Variants in RBFOX1 observed in about 807,000 individuals in gnomAD.
RBFOX1 encodes RNA binding fox-1 homolog 1.
A neutral mutation model predicts 57.7 loss-of-function variants in RBFOX1; 8 were observed. The observed-to-expected ratio is 0.14, with a 90% CI of 0.08 to 0.25. The LOEUF (loss-of-function observed/expected upper bound fraction) is 0.25. RBFOX1 is among the 10% of genes least tolerant of loss of function. The pLI, the probability that RBFOX1 is intolerant of heterozygous loss-of-function variation, is 1.00. For synonymous variants in RBFOX1, 326 were observed against 222.4 expected (o/e 1.47, Z -4.15); for missense variants, 611 against 548.5 (o/e 1.11, Z -1.14).
chr16:7,705,135 G>C (rs1242149882), intron 14 of RBFOX1, among the ~76,000 whole-genome samples: 3 of 151,768 alleles, frequency 2.0e-5, no homozygotes, highest in Non-Finnish European at 4.4e-5. Context: ...AAACATAAAA[G>C]ATGAAAGTCA....
At chr16:7,141,624 A>G (rs1208568616) in intron 4 of RBFOX1, among the ~76,000 whole-genome samples, 2 of 152,278 alleles carry the variant, frequency 1.3e-5, no homozygotes, top group East Asian at 3.9e-4. Flanking sequence ...TAACATATTA[A>G]TGCCATTTGT....
intron 1 of RBFOX1, among the ~76,000 whole-genome samples, chr16:6,024,122 G>A (rs1211138735): frequency 6.6e-6 from 1 of 152,118 alleles, no homozygotes; most frequent in Non-Finnish European, 1.5e-5. Flanking sequence ...GTCATTGTTC[G>A]CTAGTCAAAG....
At chr16:7,592,467 G>T (rs1233555956) in intron 7 of RBFOX1, among the ~76,000 whole-genome samples, 1 of 152,164 alleles carries the variant, frequency 6.6e-6, no homozygotes, top group African/African-American at 2.4e-5. Flanking sequence ...TGAGTGTTCA[G>T]TCTCACCTGG....
chr16:5,905,519 T>G (rs2058436149), intron 4 of RBFOX1, among the ~76,000 whole-genome samples: 1 of 151,926 alleles, frequency 6.6e-6, no homozygotes, highest in African/African-American at 2.4e-5. Context: ...TTTGACCAGC[T>G]TGGAAAACAT....
At chr16:7,659,870 C>G (rs1287661134) in intron 12 of RBFOX1, among the ~76,000 whole-genome samples, 2 of 152,096 alleles carry the variant, frequency 1.3e-5, no homozygotes, top group Non-Finnish European at 2.9e-5. Flanking sequence ...GACATTTTCA[C>G]AGATGCCTTT....
At chr16:5,806,500 G>C (rs1483381639) in intron 3 of RBFOX1, among the ~76,000 whole-genome samples, 3 of 152,168 alleles carry the variant, frequency 2.0e-5, no homozygotes, top group Admixed American at 1.3e-4. Context: ...GCTTGCCAAA[G>C]GCCCTTACCT....
At chr16:7,017,351 T>C (rs1445847378) in intron 3 of RBFOX1, among the ~76,000 whole-genome samples, 1 of 152,162 alleles carries the variant, frequency 6.6e-6, no homozygotes. Context: ...GGGTGCATAT[T>C]TAAATGCAGT....
chr16:6,497,608 C>T (rs1432319288), intron 2 of RBFOX1, among the ~76,000 whole-genome samples: 3 of 151,658 alleles, frequency 2.0e-5, no homozygotes, highest in African/African-American at 4.8e-5. Flanking sequence ...CCAGGCTGGA[C>T]TGCAGTGGCG....
intron 3 of RBFOX1, among the ~76,000 whole-genome samples, chr16:6,678,095 C>G (rs116840411): frequency 6.6e-6 from 1 of 152,166 alleles, no homozygotes; most frequent in Non-Finnish European, 1.5e-5. Context: ...GTATTCTCAT[C>G]ATCTACTTAA....
chr16:6,223,047 T>C (rs1433331531), intron 1 of RBFOX1, among the ~76,000 whole-genome samples: 1 of 150,042 alleles, frequency 6.7e-6, no homozygotes, highest in Non-Finnish European at 1.5e-5. Context: ...TTTTTATGGC[T>C]GCATAGTATT....
intron 3 of RBFOX1, among the ~76,000 whole-genome samples, chr16:5,667,707 A>C (rs898070849): frequency 2.0e-5 from 3 of 152,192 alleles, no homozygotes; most frequent in African/African-American, 4.8e-5. Flanking sequence ...GTGTTTCTGC[A>C]GGTGAAACTA....
chr16:6,970,171 C>T (rs2085211441), intron 3 of RBFOX1, among the ~76,000 whole-genome samples: 1 of 151,470 alleles, frequency 6.6e-6, no homozygotes, highest in South Asian at 2.1e-4. Flanking sequence ...GAACAAGACT[C>T]TGGGGGGAAA....
chr16:6,290,041 G>T (rs2077302831), intron 1 of RBFOX1, among the ~76,000 whole-genome samples: 1 of 152,172 alleles, frequency 6.6e-6, no homozygotes, highest in Admixed American at 6.5e-5. Context: ...AGCAAAATGA[G>T]GGGAAGACAT....
chr16:6,351,153 T>C (rs2086283056), intron 2 of RBFOX1, among the ~76,000 whole-genome samples: 1 of 152,024 alleles, frequency 6.6e-6, no homozygotes, highest in African/African-American at 2.4e-5. Flanking sequence ...GGGAGGCAGG[T>C]TAGCTTACAG....
intron 2 of RBFOX1, among the ~76,000 whole-genome samples, chr16:6,563,388 C>G (rs1241197329): frequency 3.9e-5 from 6 of 152,258 alleles, no homozygotes; most frequent in South Asian, 4.2e-4. Flanking sequence ...TATTATTACC[C>G]TCATTTATCA....
intron 4 of RBFOX1, among the ~76,000 whole-genome samples, chr16:7,150,147 T>G (rs969588286): frequency 6.6e-6 from 1 of 152,140 alleles, no homozygotes; most frequent in African/African-American, 2.4e-5. Flanking sequence ...CTGTTGATGT[T>G]TCCTATTAGC....
intron 3 of RBFOX1, among the ~76,000 whole-genome samples, chr16:6,783,654 C>T (rs570033892): frequency 2.0e-5 from 3 of 152,064 alleles, no homozygotes; most frequent in Middle Eastern, 3.4e-3. Context: ...TTTTAGTCTT[C>T]GTACTAAAGA....
At position 5,988,295 on chromosome 16, in the gene RBFOX1, G is replaced by A. The variant is rs151085990; in HGVS notation, c.351+120960G>A. On this transcript the variant is annotated intron_variant, in intron 4 of 19. Transcript: ENST00000641259. ...TGTAATTGAACATAATTAAAATAAT[G>A]AGAGTTGAAAGAATGTGATATTCAA... 9.2e-5 allele frequency among the ~76,000 whole-genome samples: 14 copies of A among 152,262 alleles called. No homozygotes were observed. The East Asian group carries it at 2.7e-3, about 29-fold the overall frequency.
At chr16:6,414,621 A>G (rs1156465231) in intron 2 of RBFOX1, among the ~76,000 whole-genome samples, 1 of 152,184 alleles carries the variant, frequency 6.6e-6, no homozygotes, top group Non-Finnish European at 1.5e-5. Flanking sequence ...ATCCCACCCA[A>G]ATATCTAGCA....
Sources: gnomAD v4.1 joint callset for allele counts (sites outside exome capture counted in the v4.1 genomes callset) on GRCh38, gnomAD v4.1.1 for gene constraint, MANE v1.5 for transcripts, NCBI Gene and HGNC (gene_info 2026-07-23, HGNC 2026-07-21) for gene names.